NAV2: variants seen among roughly 807,000 people sequenced by gnomAD.
NAV2 encodes the protein neuron navigator 2.
Under a neutral mutation model 223.2 loss-of-function variants are expected in NAV2, and 54 were observed. The observed-to-expected ratio is 0.24, with a 90% CI of 0.19 to 0.30. The LOEUF (loss-of-function observed/expected upper bound fraction) is 0.30. Among genes scored for constraint, NAV2 ranks in the 10% least tolerant of loss-of-function variants. The pLI is 1.00. For synonymous variants in NAV2, 1,279 were observed against 1,239.3 expected, an observed-to-expected ratio of 1.03 and a Z score of -0.67; for missense variants, 2,806 against 3,147.5, an observed-to-expected ratio of 0.89 and a Z score of 2.60.
At position 19,881,293 on chromosome 11, in the gene NAV2, G is replaced by T. The variant is rs189080314; in HGVS notation, c.770+1166G>T. 1.1e-3 allele frequency among the ~76,000 whole-genome samples: 170 copies of T among 152,250 alleles called. 2 individuals are homozygous for T. The East Asian group carries it at 0.026, about 24-fold the overall frequency. ...CAGTTTGCATTGTGGGAATTTGTGG[G>T]GTGGGAGAGATGCCTGGACTAGCAA... is the stretch of plus-strand genomic sequence containing the variant. On this transcript the variant is annotated intron_variant, in intron 5 of 37. Coordinates refer to ENST00000349880, the MANE Select transcript of NAV2 (RefSeq NM_145117.5).
At chr11:19,905,077 G>C (rs992363575) in intron 6 of NAV2, among the ~76,000 whole-genome samples, 4 of 152,126 alleles carry the variant, frequency 2.6e-5, no homozygotes, top group African/African-American at 9.7e-5. Flanking sequence ...TTCCAAAAAT[G>C]AGCTTTATTT....
chr11:19,355,657 G>A (rs1239516667), intron 1 of NAV2, among the ~76,000 whole-genome samples: 1 of 152,158 alleles, frequency 6.6e-6, no homozygotes, highest in Non-Finnish European at 1.5e-5. Context: ...TAAGGTCCAG[G>A]AATTCTTGCC....
At chr11:19,867,744 G>A (rs538811000) in intron 3 of NAV2, among the ~76,000 whole-genome samples, 1 of 152,344 alleles carries the variant, frequency 6.6e-6, no homozygotes, top group South Asian at 2.1e-4. Flanking sequence ...TATGGGTGCA[G>A]TTTTATTCAG....
intron 1 of NAV2, among the ~76,000 whole-genome samples, chr11:19,640,115 A>G (rs776229288): frequency 8.0e-4 from 122 of 152,218 alleles, no homozygotes; most frequent in Non-Finnish European, 1.4e-3. Flanking sequence ...TAAAACATCT[A>G]TATGTTTCAG....
chr11:19,359,774 G>A (rs757036300), intron 1 of NAV2, among the ~76,000 whole-genome samples: 1 of 152,208 alleles, frequency 6.6e-6, no homozygotes, highest in Non-Finnish European at 1.5e-5. Flanking sequence ...GTGTCAGCCA[G>A]GCTTCAGGAA....
chr11:19,579,318 G>A (rs2045650727), intron 1 of NAV2, among the ~76,000 whole-genome samples: 1 of 152,202 alleles, frequency 6.6e-6, no homozygotes, highest in Admixed American at 6.5e-5. Flanking sequence ...CATGGTTCCT[G>A]GCAAATATTA....
intron 1 of NAV2, among the ~76,000 whole-genome samples, chr11:19,690,570 A>C (rs1020030666): frequency 6.6e-6 from 1 of 152,244 alleles, no homozygotes; most frequent in Admixed American, 6.5e-5. Context: ...AATGTTAATT[A>C]ATTAAAATAA....
chr11:20,074,718 G>C (rs1347226577), intron 22 of NAV2, among the ~76,000 whole-genome samples: 1 of 140,780 alleles, frequency 7.1e-6, no homozygotes, highest in African/African-American at 2.7e-5. Context: ...TATCTTTCTT[G>C]GTTTAAAGTC....
chr11:19,798,235 C>T (rs996237231), intron 1 of NAV2, among the ~76,000 whole-genome samples: 1 of 152,162 alleles, frequency 6.6e-6, no homozygotes, highest in Non-Finnish European at 1.5e-5. Flanking sequence ...CTCTTCTTTC[C>T]TGTAATAGAC....
At chr11:19,949,831 A>G (rs1163812439) in intron 10 of NAV2, among the ~76,000 whole-genome samples, 1 of 152,214 alleles carries the variant, frequency 6.6e-6, no homozygotes, top group Non-Finnish European at 1.5e-5. Context: ...TGTTGTGTAT[A>G]ATAGGAGCTC....
At position 19,564,269 on chromosome 11, in the gene NAV2, G is replaced by T. The variant is rs145977254; in HGVS notation, c.75+213242G>T. Among the ~76,000 whole-genome samples the T allele has an allele frequency of 5.1e-3, 783 of 152,310 alleles. 9 individuals carry two copies. The highest frequency in any genetic ancestry group is 0.018 in the African/African-American group (752 of 41,556). ...AGGGTGGGGCGCTCTCTGGGGGAAT[G>T]GGCTGAGGCTGGGATCAGCGTTTCT... On this transcript the variant is annotated intron_variant, in intron 1 of 37. Coordinates refer to the NAV2 transcript ENST00000360655.
At chr11:20,053,492 G>C (rs540580094) in intron 17 of NAV2, among the ~76,000 whole-genome samples, 1 of 152,320 alleles carries the variant, frequency 6.6e-6, no homozygotes, top group Non-Finnish European at 1.5e-5. Flanking sequence ...GAATAAATGA[G>C]GTGGTGGACC....
In NAV2 at chr11:20,097,574, C is replaced by T. The variant is rs1171140890; in HGVS notation, c.6013-3C>T. 1 of 1,563,212 alleles carries T rather than the reference C, an allele frequency of 6.4e-7. No individual in the cohort carries two copies. The highest frequency in any genetic ancestry group is 8.6e-7 in the Non-Finnish European group (1 of 1,160,516). On this transcript the variant is annotated splice_polypyrimidine_tract_variant and splice_region_variant and intron_variant, in intron 30 of 37. Coordinates refer to ENST00000349880, the MANE Select transcript of NAV2 (RefSeq NM_145117.5). ...TGGGGTCTTTATTTTTTATTTTTTC[C>T]AGGAATACATCATTCATGTCGACCC...
At chr11:19,455,325 C>G (rs1590234079) in intron 1 of NAV2, among the ~76,000 whole-genome samples, 2 of 152,156 alleles carry the variant, frequency 1.3e-5, no homozygotes, top group African/African-American at 4.8e-5. Flanking sequence ...AGCTTGGAGT[C>G]TGTTTACCAT....
chr11:19,905,292 G>A (rs923066294), intron 6 of NAV2, among the ~76,000 whole-genome samples: 4 of 152,130 alleles, frequency 2.6e-5, no homozygotes, highest in Admixed American at 2.6e-4. Context: ...GGCAAGGATG[G>A]GTGCCACACA....
At chr11:19,805,917 G>T (rs539042287) in intron 1 of NAV2, among the ~76,000 whole-genome samples, 1 of 152,150 alleles carries the variant, frequency 6.6e-6, no homozygotes, top group Non-Finnish European at 1.5e-5. Context: ...AATTCAAACC[G>T]ACTTCTGCCT....
chr11:19,493,267 C>T (rs1019213089), intron 1 of NAV2, among the ~76,000 whole-genome samples: 1 of 151,894 alleles, frequency 6.6e-6, no homozygotes, highest in Non-Finnish European at 1.5e-5. Context: ...TGCACCACTA[C>T]CACCACAATG....
intron 12 of NAV2, among the ~76,000 whole-genome samples, chr11:20,039,648 A>T (rs2056732026): frequency 6.6e-6 from 1 of 151,928 alleles, no homozygotes. Context: ...AACACACGCA[A>T]CTCCCTCACA....
intron 1 of NAV2, among the ~76,000 whole-genome samples, chr11:19,782,316 A>G (rs1304116691): frequency 6.6e-6 from 1 of 152,206 alleles, no homozygotes; most frequent in Admixed American, 6.5e-5. Flanking sequence ...AATTACTAGG[A>G]AAATAAAGAA....
Sources: allele counts gnomAD v4.1 joint callset (sites outside exome capture counted in the v4.1 genomes callset), GRCh38; gene constraint gnomAD v4.1.1; transcripts MANE v1.5; gene names NCBI Gene and HGNC (gene_info 2026-07-23, HGNC 2026-07-21).